Variants in LRRIQ3 observed in about 807,000 individuals in gnomAD.
LRRIQ3 encodes leucine rich repeats and IQ motif containing 3.
LRRIQ3 carries 75 observed loss-of-function variants against 59.3 expected under a neutral mutation model. That is an observed-to-expected ratio of 1.26 (90% CI 1.05 to 1.53). The LOEUF is 1.53. Ranked by LOEUF, LRRIQ3 falls within the 40% of genes most tolerant of loss-of-function variation. The pLI is 0.00. For synonymous variants in LRRIQ3, 250 were observed against 231.3 expected, an observed-to-expected ratio of 1.08 and a Z score of -0.73; for missense variants, 831 against 710.0, an observed-to-expected ratio of 1.17 and a Z score of -1.94.
chr1:74,058,404 C>A (rs1331728329), intron 6 of LRRIQ3, among the ~76,000 whole-genome samples: 1 of 151,604 alleles, frequency 6.6e-6, no homozygotes, highest in African/African-American at 2.4e-5. Flanking sequence ...GGAATGAAAT[C>A]TTGTCATTCG....
chr1:74,148,362 G>C (rs1407577099), intron 4 of LRRIQ3, among the ~76,000 whole-genome samples: 4 of 152,164 alleles, frequency 2.6e-5, no homozygotes, highest in African/African-American at 4.8e-5. Flanking sequence ...GGCTGCAGTT[G>C]CTGGTAGAGG....
chr1:74,093,155 C>T (rs1225540092), intron 5 of LRRIQ3, among the ~76,000 whole-genome samples: 1 of 151,774 alleles, frequency 6.6e-6, no homozygotes, highest in Non-Finnish European at 1.5e-5. Flanking sequence ...CTAAAAATAC[C>T]TGTGGTTCTT....
chr1:74,185,715 G>A (rs957306476), intron 1 of LRRIQ3, among the ~76,000 whole-genome samples: 19 of 151,906 alleles, frequency 1.3e-4, no homozygotes, highest in African/African-American at 4.4e-4. Flanking sequence ...AGGCTGAGGC[G>A]GGCGGATTAC....
intron 4 of LRRIQ3, among the ~76,000 whole-genome samples, chr1:74,148,516 C>G (rs1286701521): frequency 6.6e-6 from 1 of 152,064 alleles, no homozygotes; most frequent in African/African-American, 2.4e-5. Flanking sequence ...GTGGTTAGGC[C>G]AGTCCTTGGG....
Position 74,109,403 on chromosome 1 carries a change from A to G in LRRIQ3, c.858T>C (p.Tyr286=), listed in dbSNP as rs1256167025. The G allele has an allele frequency of 1.3e-6, 2 of 1,522,390 alleles. No homozygotes were observed. The highest frequency in any genetic ancestry group is 2.3e-5 in the East Asian group (1 of 43,168). 94.3% of individuals were successfully genotyped at this position (1,522,390 alleles called of 1,614,324 possible). The stretch of plus-strand genomic sequence containing the variant: ...AACTAATTATACTTACATGTTTCCA[A>G]TATGCAAGCTTTCCTTTTATATTAG... ...PETNIKGKLA[Y]WKHNIYYPVD... is the part of the protein sequence containing the mutation. The change falls in exon 5 of 8, where the codon TAT becomes TAC. Residue 286 remains tyrosine, a synonymous_variant. Coordinates refer to ENST00000354431, the MANE Select transcript of LRRIQ3 (RefSeq NM_001105659.2).
chr1:74,160,666 T>C (rs996627012), intron 3 of LRRIQ3, among the ~76,000 whole-genome samples: 1 of 152,098 alleles, frequency 6.6e-6, no homozygotes, highest in African/African-American at 2.4e-5. Context: ...GTTTCTCATA[T>C]TGAATTTTTT....
intron 6 of LRRIQ3, among the ~76,000 whole-genome samples, chr1:74,064,303 T>A (rs1344900460): frequency 6.6e-6 from 1 of 151,946 alleles, no homozygotes; most frequent in African/African-American, 2.4e-5. Flanking sequence ...ATTACTCCAA[T>A]ATAGCTTTGT....
At chr1:74,103,945 G>T (rs1282508475) in intron 5 of LRRIQ3, among the ~76,000 whole-genome samples, 2 of 151,952 alleles carry the variant, frequency 1.3e-5, no homozygotes, top group Admixed American at 1.3e-4. Flanking sequence ...CATAGACTGT[G>T]ATGTAAATGC....
intron 4 of LRRIQ3, among the ~76,000 whole-genome samples, chr1:74,120,359 G>A (rs534305366): frequency 4.6e-5 from 7 of 151,744 alleles, no homozygotes; most frequent in Non-Finnish European, 8.8e-5. Flanking sequence ...CTTGTGATCC[G>A]CCCACCTCGG....
At chr1:74,186,078 CTATATAAATA>C in intron 1 of LRRIQ3, among the ~76,000 whole-genome samples, 2 of 148,618 alleles carry the variant, frequency 1.3e-5, no homozygotes, top group East Asian at 3.9e-4. Flanking sequence ...TAATATATAG[CTATATAAATA>C]TATATAAATA....
intron 4 of LRRIQ3, among the ~76,000 whole-genome samples, chr1:74,113,173 T>C (rs1646727021): frequency 6.6e-6 from 1 of 151,540 alleles, no homozygotes; most frequent in Non-Finnish European, 1.5e-5. Context: ...ATTTTGCAAC[T>C]GAGAAGTACA....
At chr1:74,139,049 T>C (rs993469382) in intron 4 of LRRIQ3, among the ~76,000 whole-genome samples, 5 of 150,670 alleles carry the variant, frequency 3.3e-5, no homozygotes, top group Non-Finnish European at 5.9e-5. Context: ...AAAAAATGTA[T>C]TTATGTGTAT....
In LRRIQ3 at chr1:74,186,670, G is replaced by A. The variant is rs192860254; in HGVS notation, c.1-2986C>T. Among the ~76,000 whole-genome samples, 545 of 152,222 alleles carry A rather than the reference G, an allele frequency of 3.6e-3. 5 individuals are homozygous for A. Among genetic ancestry groups the A allele is most frequent in the African/African-American group, 0.012 (502 of 41,566 alleles). The stretch of plus-strand genomic sequence containing the variant: ...TAAATAAGACATAGAGTTTGAGGAA[G>A]AAATGAAATATTGGTTCACACAAAT... On this transcript the variant is annotated intron_variant, in intron 1 of 7. Transcript: ENST00000354431.
intron 1 of LRRIQ3, among the ~76,000 whole-genome samples, chr1:74,191,520 C>A (rs1403533929): frequency 6.6e-6 from 1 of 151,984 alleles, no homozygotes; most frequent in Non-Finnish European, 1.5e-5. Flanking sequence ...CATTCACTCA[C>A]CAAGACAGAC....
intron 3 of LRRIQ3, among the ~76,000 whole-genome samples, chr1:74,173,866 A>G (rs78279240): frequency 0.041 from 6,255 of 152,144 alleles, 158 homozygotes; most frequent in South Asian, 0.13. Context: ...TATTTTTTGA[A>G]TAAGCATTTT....
chr1:74,111,879 A>G (rs149971556), intron 4 of LRRIQ3, among the ~76,000 whole-genome samples: 1 of 152,204 alleles, frequency 6.6e-6, no homozygotes, highest in East Asian at 1.9e-4. Flanking sequence ...CAAGAAATGC[A>G]TAAATTTATC....
intron 6 of LRRIQ3, among the ~76,000 whole-genome samples, chr1:74,057,076 C>T (rs1439663086): frequency 1.3e-5 from 2 of 152,236 alleles, no homozygotes; most frequent in East Asian, 1.9e-4. Context: ...GTCAATTAAA[C>T]CTCTTTTGTT....
intron 5 of LRRIQ3, among the ~76,000 whole-genome samples, chr1:74,105,257 ATTT>A (rs369709404): frequency 5.5e-4 from 79 of 142,376 alleles, no homozygotes; most frequent in East Asian, 8.1e-4. Flanking sequence ...GTGTGTGTGT[ATTT>A]TTTTTTTTTT....
At chr1:74,154,731 T>A (rs1005083558) in intron 4 of LRRIQ3, among the ~76,000 whole-genome samples, 2 of 152,216 alleles carry the variant, frequency 1.3e-5, no homozygotes, top group African/African-American at 4.8e-5. Context: ...ATATTTTAAA[T>A]AAGTATGCAC....
Sources: gnomAD v4.1 joint callset for allele counts (sites outside exome capture counted in the v4.1 genomes callset) on GRCh38, gnomAD v4.1.1 for gene constraint, MANE v1.5 for transcripts, NCBI Gene and HGNC (gene_info 2026-07-23, HGNC 2026-07-21) for gene names.